Variants in KHDRBS2 observed in about 807,000 individuals in gnomAD.
KHDRBS2 encodes KH domain-containing, RNA-binding, signal transduction-associated protein 2.
A neutral mutation model predicts 44.3 loss-of-function variants in KHDRBS2; 26 were observed. That is an observed-to-expected ratio of 0.59 (90% CI 0.43 to 0.81). The LOEUF is 0.81. Among genes scored for constraint, KHDRBS2 ranks in the 40% least tolerant of loss-of-function variants. KHDRBS2 has a pLI of 0.00. For missense variants in KHDRBS2, 476 were observed against 433.1 expected (o/e 1.10, Z -0.88); for synonymous variants, 194 against 151.1 (o/e 1.28, Z -2.08).
chr6:62,142,077 T>C (rs1157399994), intron 2 of KHDRBS2, among the ~76,000 whole-genome samples: 2 of 152,056 alleles, frequency 1.3e-5, no homozygotes, highest in Non-Finnish European at 2.9e-5. Context: ...AGCAACTCTA[T>C]GCTTTTCTTC....
At chr6:62,199,789 C>A (rs533556431) in intron 1 of KHDRBS2, among the ~76,000 whole-genome samples, 162 of 152,194 alleles carry the variant, frequency 1.1e-3, no homozygotes, top group South Asian at 8.3e-3. Flanking sequence ...CAATCCTAAG[C>A]CAAAAGAAGA....
chr6:61,684,995 C>T (rs1766666947), intron 8 of KHDRBS2, among the ~76,000 whole-genome samples: 1 of 151,426 alleles, frequency 6.6e-6, no homozygotes. Context: ...TATACTATGT[C>T]CTGCATATAA....
chr6:61,998,481 G>T (rs552121767), intron 3 of KHDRBS2, among the ~76,000 whole-genome samples: 14 of 152,096 alleles, frequency 9.2e-5, no homozygotes, highest in African/African-American at 3.1e-4. Flanking sequence ...TCTACCTTAT[G>T]AACAAAATGA....
intron 6 of KHDRBS2, among the ~76,000 whole-genome samples, chr6:61,799,164 T>C (rs1352249048): frequency 6.6e-6 from 1 of 152,016 alleles, no homozygotes; most frequent in Non-Finnish European, 1.5e-5. Flanking sequence ...CAAAACATTA[T>C]GCTTTTTTAA....
chr6:61,956,840 A>T (rs1412309977), intron 4 of KHDRBS2, among the ~76,000 whole-genome samples: 1 of 152,070 alleles, frequency 6.6e-6, no homozygotes, highest in Non-Finnish European at 1.5e-5. Context: ...GATTTTTTTA[A>T]GGTCTGAGTT....
At chr6:61,847,793 C>A (rs918168914) in intron 6 of KHDRBS2, among the ~76,000 whole-genome samples, 1 of 151,924 alleles carries the variant, frequency 6.6e-6, no homozygotes, top group African/African-American at 2.4e-5. Flanking sequence ...AACTATATTT[C>A]TTCAATAATC....
At chr6:61,655,579 T>C in the KHDRBS2 span, among the ~76,000 whole-genome samples, 2 of 152,132 alleles carry the variant, frequency 1.3e-5, no homozygotes, top group South Asian at 2.1e-4. Flanking sequence ...TAAGACATAT[T>C]TTTTTTCTGC....
chr6:62,184,417 G>C (rs1158968450), intron 1 of KHDRBS2, among the ~76,000 whole-genome samples: 1 of 151,694 alleles, frequency 6.6e-6, no homozygotes, highest in Non-Finnish European at 1.5e-5. Context: ...TAACCCTGTA[G>C]AGTCTGTAAC....
intron 2 of KHDRBS2, among the ~76,000 whole-genome samples, chr6:62,117,428 TC>T (rs1209524553): frequency 1.3e-5 from 2 of 152,210 alleles, no homozygotes; most frequent in Non-Finnish European, 2.9e-5. Flanking sequence ...TTCAATCATT[TC>T]AAATTTTTAA....
At chr6:61,600,628 C>T in the KHDRBS2 span, among the ~76,000 whole-genome samples, 78 of 152,202 alleles carry the variant, frequency 5.1e-4, no homozygotes, top group South Asian at 2.3e-3. Flanking sequence ...CACATGGACG[C>T]GAGTGAAATT....
intron 2 of KHDRBS2, among the ~76,000 whole-genome samples, chr6:62,140,576 A>G (rs1256690649): frequency 2.0e-5 from 3 of 152,220 alleles, no homozygotes; most frequent in Non-Finnish European, 2.9e-5. Context: ...GCTTTCTGAA[A>G]TGTACATATA....
chr6:62,064,270 GA>G (rs1266369089), intron 2 of KHDRBS2, among the ~76,000 whole-genome samples: 2 of 148,612 alleles, frequency 1.3e-5, no homozygotes, highest in African/African-American at 5.0e-5. Flanking sequence ...CACAGAATTG[GA>G]AAAAACTACT....
intron 2 of KHDRBS2, among the ~76,000 whole-genome samples, chr6:62,085,967 G>A (rs1316451208): frequency 6.6e-6 from 1 of 152,098 alleles, no homozygotes; most frequent in Non-Finnish European, 1.5e-5. Flanking sequence ...AAGAGGAGTG[G>A]CTGAAGGGCT....
intron 2 of KHDRBS2, among the ~76,000 whole-genome samples, chr6:62,112,113 C>T (rs1306575601): frequency 6.6e-6 from 1 of 151,982 alleles, no homozygotes; most frequent in Non-Finnish European, 1.5e-5. Flanking sequence ...AGGCAAGGTG[C>T]CTCAATGGAA....
chr6:62,243,848 A>G (rs990658876), intron 1 of KHDRBS2, among the ~76,000 whole-genome samples: 5 of 152,154 alleles, frequency 3.3e-5, no homozygotes, highest in African/African-American at 1.2e-4. Context: ...TGAGAGCCTG[A>G]CATAGTAGAT....
chr6:61,863,067 A>G (rs1797240214), intron 6 of KHDRBS2, among the ~76,000 whole-genome samples: 1 of 151,954 alleles, frequency 6.6e-6, no homozygotes, highest in Admixed American at 6.6e-5. Context: ...TGTTATTTAT[A>G]TGTATAGAGG....
chr6:61,673,548 C>T, the KHDRBS2 span, among the ~76,000 whole-genome samples: 1 of 145,032 alleles, frequency 6.9e-6, no homozygotes, highest in South Asian at 2.3e-4. Context: ...CCAAAATCTC[C>T]TTAAGCTGAT....
chr6:61,675,064 C>G (rs2127535596), downstream of KHDRBS2, among the ~76,000 whole-genome samples: 1 of 151,814 alleles, frequency 6.6e-6, no homozygotes, highest in South Asian at 2.1e-4. Flanking sequence ...TCTCTTCCAG[C>G]TACTTTGAAA....
intron 6 of KHDRBS2, among the ~76,000 whole-genome samples, chr6:61,782,494 C>G (rs1040009489): frequency 2.0e-5 from 3 of 151,628 alleles, no homozygotes; most frequent in African/African-American, 7.3e-5. Context: ...ACAGACAAAT[C>G]TAAATCTCAA....
Sources: allele counts gnomAD v4.1 joint callset (sites outside exome capture counted in the v4.1 genomes callset), GRCh38; gene constraint gnomAD v4.1.1; transcripts MANE v1.5; gene names NCBI Gene and HGNC (gene_info 2026-07-23, HGNC 2026-07-21).